Variants in UBXN2A observed in about 807,000 individuals in gnomAD.
UBXN2A encodes the protein UBX domain-containing protein 2A.
UBXN2A carries 28 observed loss-of-function variants against 28.4 expected under a neutral mutation model. That is an observed-to-expected ratio of 0.99 (90% CI 0.73 to 1.35). The LOEUF is 1.35. UBXN2A is among the 40% of genes most tolerant of loss of function. The pLI, the probability that UBXN2A is intolerant of heterozygous loss-of-function variation, is 0.00. For synonymous variants in UBXN2A, 97 were observed against 103.6 expected, an observed-to-expected ratio of 0.94 and a Z score of 0.39; for missense variants, 253 against 297.9, an observed-to-expected ratio of 0.85 and a Z score of 1.11.
intron 2 of UBXN2A, among the ~76,000 whole-genome samples, chr2:23,964,212 A>C (rs1204284297): frequency 1.3e-5 from 2 of 148,370 alleles, no homozygotes; most frequent in Non-Finnish European, 3.0e-5. Flanking sequence ...AATATTATCC[A>C]ATCCTTTTTT....
chr2:23,939,042 G>A (rs1457719445), upstream of UBXN2A, among the ~76,000 whole-genome samples: 1 of 152,158 alleles, frequency 6.6e-6, no homozygotes, highest in Admixed American at 6.6e-5. Context: ...TGGGGGGAAC[G>A]GCATGGGCCT....
intron 2 of UBXN2A, among the ~76,000 whole-genome samples, chr2:23,969,572 A>G (rs1049120171): frequency 2.0e-5 from 3 of 152,120 alleles, no homozygotes; most frequent in African/African-American, 7.2e-5. Flanking sequence ...CACGTTGGCC[A>G]GAATGGTCTC....
Position 24,002,830 on chromosome 2 carries a change from G to A in UBXN2A, c.*2963G>A, listed in dbSNP as rs1327192639. 1.3e-5 allele frequency: 2 copies of A among 152,208 alleles called. No individual in the cohort carries two copies. The highest frequency in any genetic ancestry group is 1.3e-4 in the Admixed American group (2 of 15,276). 9.4% of individuals were successfully genotyped at this position (152,208 alleles called of 1,614,324 possible). A position where few individuals can be genotyped will look rare whatever the true frequency, so the allele number is the denominator to read the frequency against. On this transcript the variant is annotated 3_prime_UTR_variant, in exon 7 of 7. Coordinates refer to ENST00000309033, the MANE Select transcript of UBXN2A (RefSeq NM_181713.4). ...TCATGTCTTCTACATTCAGTCTGTTGTGCAGTCACATATCATGTAGACTCT... is the reference window on the plus strand; with the variant it reads ...TCATGTCTTCTACATTCAGTCTGTTATGCAGTCACATATCATGTAGACTCT...
chr2:23,955,408 T>G (rs917601341), intron 1 of UBXN2A, among the ~76,000 whole-genome samples: 1 of 152,234 alleles, frequency 6.6e-6, no homozygotes, highest in Non-Finnish European at 1.5e-5. Context: ...TCCATTTTGC[T>G]GATGTCACCC....
At chr2:23,949,116 C>CTTTTTTTTTTTTTTTT (rs1223944833) in intron 1 of UBXN2A, among the ~76,000 whole-genome samples, 4 of 127,092 alleles carry the variant, frequency 3.1e-5, no homozygotes, top group Middle Eastern at 4.3e-3. Context: ...ATTTTTTTTT[C>CTTTTTTTTTTTTTTTT]TTTTTTTTTT....
chr2:23,973,151 C>G (rs2150871576), intron 3 of UBXN2A, among the ~76,000 whole-genome samples: 1 of 150,962 alleles, frequency 6.6e-6, no homozygotes, highest in East Asian at 2.0e-4. Context: ...TCCCTAATAG[C>G]TGGGATTACA....
chr2:23,984,761 C>T lies in UBXN2A; in HGVS notation c.514C>T (p.Pro172Ser), dbSNP rs1708055558. ...TGCTGTTCCACTGAACAACTTGGAA[C>T]CCATTACTAATATACAGATCTGGTT... ...LSAVPLNNLE[P>S]ITNIQIWLAN... Residue 172 changes from proline to serine, a missense_variant, in exon 6 of 7, where the codon CCC (proline) becomes TCC (serine). Coordinates refer to ENST00000309033, the MANE Select transcript of UBXN2A (RefSeq NM_181713.4). 1 of 1,572,936 alleles carries T rather than the reference C, an allele frequency of 6.4e-7. No individual in the cohort carries two copies. Among genetic ancestry groups the T allele is most frequent in the Admixed American group, 2.1e-5 (1 of 48,666 alleles).
intron 4 of UBXN2A, among the ~76,000 whole-genome samples, chr2:23,979,565 C>T (rs1707811044): frequency 6.6e-6 from 1 of 151,962 alleles, no homozygotes; most frequent in African/African-American, 2.4e-5. Context: ...TTTATATATA[C>T]TTAATTGTTC....
chr2:23,948,259 T>TC (rs1225307140), intron 1 of UBXN2A, among the ~76,000 whole-genome samples: 1 of 149,808 alleles, frequency 6.7e-6, no homozygotes, highest in Non-Finnish European at 1.5e-5. Flanking sequence ...TTTTTCTTTT[T>TC]TTTTTTTTTT....
chr2:23,994,259 AATATGATGT>A (rs1371285584), intron 6 of UBXN2A, among the ~76,000 whole-genome samples: 1 of 152,142 alleles, frequency 6.6e-6, no homozygotes, highest in Non-Finnish European at 1.5e-5. Flanking sequence ...TAATAGCTTG[AATATGATGT>A]GCCTAGGTGT....
At position 23,971,359 on chromosome 2, in the gene UBXN2A, AG is replaced by A. The variant is rs1707410435; in HGVS notation, c.127del (p.Glu43LysfsTer19). 6.3e-7 allele frequency: 1 copy of A among 1,577,738 alleles called. No individual in the cohort carries two copies. The highest frequency in any genetic ancestry group is 8.7e-7 in the Non-Finnish European group (1 of 1,153,290). On this transcript the variant is annotated frameshift_variant, in exon 3 of 7. Transcript: ENST00000309033. LOFTEE classifies it high-confidence loss of function. ...NCEYFVDSLF[E>X]EAQKVSSKCV... ...GAATATTTTGTTGATAGCCTTTTTG[AG>A]GAAGCTCAGAAGGTTAGTTCCAAAT...
chr2:23,964,568 G>C (rs1277872812), intron 2 of UBXN2A, among the ~76,000 whole-genome samples: 1 of 152,180 alleles, frequency 6.6e-6, no homozygotes, highest in African/African-American at 2.4e-5. Flanking sequence ...TGAACCTTGA[G>C]GATATAATGG....
intron 6 of UBXN2A, among the ~76,000 whole-genome samples, chr2:23,985,410 G>A (rs1048151467): frequency 2.0e-5 from 3 of 152,008 alleles, no homozygotes; most frequent in Non-Finnish European, 2.9e-5. Context: ...CACCAAGCCC[G>A]GCTAATTTTT....
At position 24,002,654 on chromosome 2, in the gene UBXN2A, C is replaced by A. The variant is rs1307939602; in HGVS notation, c.*2787C>A. On this transcript the variant is annotated 3_prime_UTR_variant, in exon 7 of 7. Transcript: ENST00000309033. ...CTAACTCGTAACCTCAGGTGATCCG[C>A]CCGCCTTGGCCTCCCAAAGTGCTAG... 1 of 152,198 alleles carries A rather than the reference C, an allele frequency of 6.6e-6. No individual in the cohort carries two copies. The highest frequency in any genetic ancestry group is 1.5e-5 in the Non-Finnish European group (1 of 68,062). 9.4% of individuals were successfully genotyped at this position (152,198 alleles called of 1,614,324 possible). A position where few individuals can be genotyped will look rare whatever the true frequency, so the allele number is the denominator to read the frequency against.
At chr2:23,973,275 T>A (rs1707497279) in intron 3 of UBXN2A, among the ~76,000 whole-genome samples, 2 of 151,972 alleles carry the variant, frequency 1.3e-5, no homozygotes, top group African/African-American at 4.8e-5. Flanking sequence ...CACCTCAGCC[T>A]CCCAAAGTTC....
chr2:23,974,078 G>A (rs867205561), intron 3 of UBXN2A, among the ~76,000 whole-genome samples: 45 of 144,480 alleles, frequency 3.1e-4, no homozygotes, highest in African/African-American at 1.2e-3. Context: ...GCAGTGGTGC[G>A]ATCTCGGCTC....
chr2:23,978,702 G>A (rs768582388), intron 4 of UBXN2A, among the ~76,000 whole-genome samples: 6 of 151,846 alleles, frequency 4.0e-5, no homozygotes, highest in Non-Finnish European at 8.8e-5. Context: ...GGGGGCTTAC[G>A]CCTGTAATCC....
At chr2:23,929,290 A>G (rs1321995147) in intron 1 of UBXN2A, among the ~76,000 whole-genome samples, 2 of 151,498 alleles carry the variant, frequency 1.3e-5, no homozygotes, top group Non-Finnish European at 2.9e-5. Flanking sequence ...GGTCCCAGCC[A>G]CTCCTGAGAC....
At chr2:23,943,999 C>T (rs113638928) in intron 1 of UBXN2A, 24,767 of 497,772 alleles carry the variant, frequency 0.05, 831 homozygotes, top group African/African-American at 0.12. Context: ...TCAAACCGTC[C>T]CGTATCTCCC....
Sources: gnomAD v4.1 joint callset for allele counts (sites outside exome capture counted in the v4.1 genomes callset) on GRCh38, gnomAD v4.1.1 for gene constraint, MANE v1.5 for transcripts, NCBI Gene and HGNC (gene_info 2026-07-23, HGNC 2026-07-21) for gene names.